Variants in LRP1B observed in about 807,000 individuals in gnomAD.
LRP1B encodes the protein LDL receptor related protein 1B.
Under a neutral mutation model 556.6 loss-of-function variants are expected in LRP1B, and 217 were observed. The ratio of observed to expected loss-of-function variants is 0.39; its 90% CI spans 0.35 to 0.44. LRP1B has a LOEUF of 0.44. Among genes scored for constraint, LRP1B ranks in the 20% least tolerant of loss-of-function variants. The pLI, the probability that LRP1B is intolerant of heterozygous loss-of-function variation, is 1.00. For synonymous variants in LRP1B, 2,047 were observed against 1,865.8 expected (o/e 1.10, Z -2.50); for missense variants, 5,053 against 5,620.8 (o/e 0.90, Z 3.23).
At chr2:140,630,612 C>T (rs1282141389) in intron 41 of LRP1B, among the ~76,000 whole-genome samples, 2 of 152,150 alleles carry the variant, frequency 1.3e-5, no homozygotes, top group Non-Finnish European at 2.9e-5. Flanking sequence ...GAGAGCTGCA[C>T]ATTTTTGTGT....
At chr2:140,678,663 G>A (rs946796206) in intron 41 of LRP1B, among the ~76,000 whole-genome samples, 3 of 152,028 alleles carry the variant, frequency 2.0e-5, no homozygotes, top group Non-Finnish European at 2.9e-5. Flanking sequence ...AAATACCAGC[G>A]ATGGGGTTGC....
chr2:141,213,246 C>T (rs529591327), intron 6 of LRP1B, among the ~76,000 whole-genome samples: 9 of 151,938 alleles, frequency 5.9e-5, no homozygotes, highest in East Asian at 1.9e-4. Flanking sequence ...CCCCCATGCC[C>T]AGCCAAAACA....
chr2:140,624,402 C>T (rs1174581041), intron 41 of LRP1B, among the ~76,000 whole-genome samples: 3 of 152,102 alleles, frequency 2.0e-5, no homozygotes, highest in Non-Finnish European at 2.9e-5. Context: ...CCATTTGGAC[C>T]TGACACTCAG....
At chr2:142,055,598 A>G (rs1447868787) in intron 1 of LRP1B, among the ~76,000 whole-genome samples, 1 of 152,166 alleles carries the variant, frequency 6.6e-6, no homozygotes, top group Admixed American at 6.6e-5. Flanking sequence ...ACCTTATCAT[A>G]GGGCCTTCAA....
At chr2:141,443,682 G>T (rs1394939699) in intron 3 of LRP1B, among the ~76,000 whole-genome samples, 2 of 152,130 alleles carry the variant, frequency 1.3e-5, no homozygotes, top group Non-Finnish European at 2.9e-5. Context: ...TTATTAAACA[G>T]GGAATCCTTT....
intron 32 of LRP1B, among the ~76,000 whole-genome samples, chr2:140,787,448 T>G (rs1014898198): frequency 2.6e-5 from 4 of 152,156 alleles, no homozygotes; most frequent in African/African-American, 9.7e-5. Context: ...AGAGGTAGGA[T>G]TCACCTGATC....
intron 27 of LRP1B, among the ~76,000 whole-genome samples, chr2:140,856,062 G>T (rs1349442476): frequency 1.3e-5 from 2 of 151,940 alleles, no homozygotes; most frequent in Non-Finnish European, 2.9e-5. Flanking sequence ...CTGGTACATT[G>T]TGATACTGTC....
chr2:141,797,082 G>A (rs1249230230), intron 2 of LRP1B, among the ~76,000 whole-genome samples: 1 of 142,110 alleles, frequency 7.0e-6, no homozygotes, highest in Non-Finnish European at 1.5e-5. Flanking sequence ...TGTGACTCAT[G>A]AATTCTATAA....
chr2:140,811,037 G>C (rs929772195), intron 32 of LRP1B, among the ~76,000 whole-genome samples: 1 of 151,996 alleles, frequency 6.6e-6, no homozygotes, highest in African/African-American at 2.4e-5. Context: ...GCCCGGCCAA[G>C]AGGTTTTTTT....
At chr2:141,677,843 T>C (rs1690947260) in intron 2 of LRP1B, among the ~76,000 whole-genome samples, 1 of 152,180 alleles carries the variant, frequency 6.6e-6, no homozygotes, top group Admixed American at 6.6e-5. Context: ...GGAAATGGGA[T>C]ACCATAACCT....
At chr2:141,144,336 C>T (rs1487494630) in intron 7 of LRP1B, among the ~76,000 whole-genome samples, 1 of 152,086 alleles carries the variant, frequency 6.6e-6, no homozygotes, top group Non-Finnish European at 1.5e-5. Context: ...AGAATTTGAA[C>T]CAAGTTAGTG....
At chr2:141,964,798 G>T (rs2105062070) in intron 1 of LRP1B, among the ~76,000 whole-genome samples, 1 of 152,144 alleles carries the variant, frequency 6.6e-6, no homozygotes, top group South Asian at 2.1e-4. Flanking sequence ...TACCATCAGA[G>T]TGAACAGGCA....
At chr2:141,444,470 A>T (rs1445998262) in intron 3 of LRP1B, among the ~76,000 whole-genome samples, 7 of 152,204 alleles carry the variant, frequency 4.6e-5, no homozygotes, top group Admixed American at 6.5e-5. Flanking sequence ...TATGTAGAAT[A>T]GGAGTGGTGA....
In LRP1B at chr2:140,310,414, CA is replaced by C. The variant is rs10670842; in HGVS notation, c.12805+4520del. On this transcript the variant is annotated intron_variant, in intron 83 of 90. Transcript: ENST00000389484. ...AGCAATCCTAAAATTCATACGGAAC[CA>C]AAAAAAAAAAAAAGGCCTGAATAGC... 1.3e-3 allele frequency among the ~76,000 whole-genome samples: 164 copies of C among 124,778 alleles called. 2 individuals are homozygous for C. Among genetic ancestry groups the C allele is most frequent in the Middle Eastern group, 4.2e-3 (1 of 238 alleles). 81.9% of individuals were successfully genotyped at this position (124,778 alleles called of 152,430 possible). A position where few individuals can be genotyped will look rare whatever the true frequency, so the allele number is the denominator to read the frequency against.
chr2:141,387,247 C>T (rs557403990), intron 3 of LRP1B, among the ~76,000 whole-genome samples: 59 of 151,786 alleles, frequency 3.9e-4, no homozygotes, highest in Non-Finnish European at 6.0e-4. Context: ...CAAATAAATA[C>T]GCCATATTTA....
At chr2:140,255,708 A>C (rs1380220371) in intron 86 of LRP1B, among the ~76,000 whole-genome samples, 3 of 152,308 alleles carry the variant, frequency 2.0e-5, no homozygotes. Context: ...ATACATAGGA[A>C]TGCACATACA....
chr2:141,109,152 C>A (rs4954885), intron 7 of LRP1B, among the ~76,000 whole-genome samples: 66,274 of 152,022 alleles, frequency 0.44, 15,128 homozygotes, highest in Middle Eastern at 0.54. Flanking sequence ...AAAACAAGGA[C>A]CATTTTCCAC....
chr2:141,847,213 A>G (rs1697684298), intron 1 of LRP1B, among the ~76,000 whole-genome samples: 1 of 151,528 alleles, frequency 6.6e-6, no homozygotes. Flanking sequence ...ATAAGATTCC[A>G]TTTACTATAA....
At chr2:140,380,197 C>T (rs1173732467) in intron 67 of LRP1B, among the ~76,000 whole-genome samples, 1 of 152,006 alleles carries the variant, frequency 6.6e-6, no homozygotes, top group African/African-American at 2.4e-5. Flanking sequence ...AATCACAGAG[C>T]GTACAGAAGA....
Sources: gnomAD v4.1 joint callset for allele counts (sites outside exome capture counted in the v4.1 genomes callset) on GRCh38, gnomAD v4.1.1 for gene constraint, MANE v1.5 for transcripts, NCBI Gene and HGNC (gene_info 2026-07-23, HGNC 2026-07-21) for gene names.